Variants in SH3D19 observed in about 807,000 individuals in gnomAD.
SH3D19 encodes SH3 domain containing 19.
SH3D19 carries 58 observed loss-of-function variants against 112.1 expected under a neutral mutation model. That is an observed-to-expected ratio of 0.52 (90% confidence interval 0.42 to 0.64). The LOEUF (loss-of-function observed/expected upper bound fraction) is 0.64, where lower values mean the gene tolerates loss of function less well. SH3D19 is among the 30% of genes least tolerant of loss of function. SH3D19 has a pLI of 0.00. For missense variants in SH3D19, 1,090 were observed against 1,263.4 expected, an observed-to-expected ratio of 0.86 and a Z score of 2.08; for synonymous variants, 391 against 448.5, an observed-to-expected ratio of 0.87 and a Z score of 1.62.
At chr4:151,206,194 G>C (rs1468044473) in intron 2 of SH3D19, among the ~76,000 whole-genome samples, 1 of 152,102 alleles carries the variant, frequency 6.6e-6, no homozygotes, top group Non-Finnish European at 1.5e-5. Flanking sequence ...TATCACTCCT[G>C]GGATTTATTC....
intron 1 of SH3D19, among the ~76,000 whole-genome samples, chr4:151,286,929 G>A (rs907708030): frequency 2.6e-5 from 4 of 151,102 alleles, no homozygotes; most frequent in Non-Finnish European, 3.0e-5. Flanking sequence ...ACAGTGAGCC[G>A]AGATCGCGCC....
At chr4:151,258,511 G>A (rs1221264777) in intron 1 of SH3D19, among the ~76,000 whole-genome samples, 3 of 152,212 alleles carry the variant, frequency 2.0e-5, no homozygotes, top group Non-Finnish European at 2.9e-5. Context: ...TGTGAACTTA[G>A]ACTTGTTCAA....
intron 1 of SH3D19, among the ~76,000 whole-genome samples, chr4:151,230,256 C>T (rs899864754): frequency 1.3e-5 from 2 of 152,228 alleles, no homozygotes; most frequent in South Asian, 4.1e-4. Context: ...GCAGATCCTA[C>T]TGATGTGGAA....
At chr4:151,299,919 C>T (rs566601069) in intron 1 of SH3D19, among the ~76,000 whole-genome samples, 14 of 151,996 alleles carry the variant, frequency 9.2e-5, no homozygotes, top group African/African-American at 2.7e-4. Context: ...AAACCAATGT[C>T]GGCCGGGTGT....
chr4:151,300,762 T>TA (rs902211177), intron 1 of SH3D19: 2 of 152,176 alleles, frequency 1.3e-5, no homozygotes, highest in Non-Finnish European at 2.9e-5. Flanking sequence ...GAGAATGGAT[T>TA]AGAGAAACAA....
chr4:151,143,267 T>C (rs1283312899), intron 12 of SH3D19, among the ~76,000 whole-genome samples: 1 of 152,000 alleles, frequency 6.6e-6, no homozygotes, highest in African/African-American at 2.4e-5. Flanking sequence ...TTTTAGCTTC[T>C]ATTTTTCACA....
chr4:151,172,909 C>A (rs1759325911), intron 7 of SH3D19, among the ~76,000 whole-genome samples: 1 of 152,096 alleles, frequency 6.6e-6, no homozygotes, highest in African/African-American at 2.4e-5. Context: ...CAGTATAACC[C>A]CATAGTCCAG....
At chr4:151,171,657 C>A (rs1759093101) in intron 7 of SH3D19, among the ~76,000 whole-genome samples, 1 of 152,170 alleles carries the variant, frequency 6.6e-6, no homozygotes, top group South Asian at 2.1e-4. Context: ...CCGCCCATTA[C>A]CTGTCTCTAA....
In SH3D19 at chr4:151,318,169, C is replaced by T. The variant is rs555049668; in HGVS notation, c.112+7072G>A. Among the ~76,000 whole-genome samples the T allele has an allele frequency of 9.3e-5, 14 of 150,206 alleles. No homozygotes were observed. The South Asian group carries it at 3.0e-3, about 32-fold the overall frequency. On this transcript the variant is annotated intron_variant, in intron 1 of 19. Coordinates refer to ENST00000604030, the MANE Select transcript of SH3D19 (RefSeq NM_001378122.1). ...AAAAAAAATTAGCCGGGCATGGTGG[C>T]ACGTGCCTGTAGTCCTAGCTCCTTG...
chr4:151,211,232 T>G (rs1225243291), intron 2 of SH3D19, among the ~76,000 whole-genome samples: 1 of 150,458 alleles, frequency 6.6e-6, no homozygotes, highest in Non-Finnish European at 1.5e-5. Context: ...ATTGTGCCAT[T>G]GCACTCCAGC....
chr4:151,278,656 G>C (rs1416388472), intron 1 of SH3D19, among the ~76,000 whole-genome samples: 1 of 151,318 alleles, frequency 6.6e-6, no homozygotes, highest in Non-Finnish European at 1.5e-5. Flanking sequence ...TTTCAGACAG[G>C]GTCTCACTCT....
intron 2 of SH3D19, among the ~76,000 whole-genome samples, chr4:151,219,270 G>T (rs1351878623): frequency 6.6e-6 from 1 of 152,126 alleles, no homozygotes; most frequent in African/African-American, 2.4e-5. Context: ...ACTTCAGCAA[G>T]AATCCTATTA....
intron 2 of SH3D19, among the ~76,000 whole-genome samples, chr4:151,209,281 A>T (rs866189907): frequency 6.3e-5 from 9 of 143,280 alleles, no homozygotes; most frequent in East Asian, 2.1e-4. Flanking sequence ...TCGAAAAAGT[A>T]TTTTTTTTTT....
At chr4:151,212,193 A>T (rs769833512) in intron 2 of SH3D19, among the ~76,000 whole-genome samples, 42 of 152,258 alleles carry the variant, frequency 2.8e-4, no homozygotes, top group African/African-American at 9.4e-4. Flanking sequence ...TCATTCTGTC[A>T]TCTAGGCCAG....
At chr4:151,282,026 C>T (rs1774283966) in intron 1 of SH3D19, 1 of 955,416 alleles carries the variant, frequency 1.0e-6, no homozygotes, top group East Asian at 2.4e-5. Context: ...AAGTTGGAAG[C>T]ACCATGGTTA....
chr4:151,167,895 G>C (rs1320888748), intron 7 of SH3D19, among the ~76,000 whole-genome samples: 3 of 151,970 alleles, frequency 2.0e-5, no homozygotes, highest in African/African-American at 7.2e-5. Context: ...GCCCCGTCTG[G>C]GAAGTGAGGC....
At chr4:151,306,513 G>A (rs1490463886) in intron 1 of SH3D19, among the ~76,000 whole-genome samples, 5 of 152,086 alleles carry the variant, frequency 3.3e-5, no homozygotes, top group African/African-American at 1.2e-4. Context: ...GTCTACTACA[G>A]GAATAAGTAA....
At chr4:151,271,893 T>C (rs1773253124) in intron 1 of SH3D19, among the ~76,000 whole-genome samples, 1 of 152,216 alleles carries the variant, frequency 6.6e-6, no homozygotes, top group African/African-American at 2.4e-5. Context: ...ATTATATTTA[T>C]TGTGTATGGC....
chr4:151,184,174 G>C (rs562629989), intron 3 of SH3D19, among the ~76,000 whole-genome samples: 21 of 152,122 alleles, frequency 1.4e-4, no homozygotes, highest in African/African-American at 4.8e-4. Flanking sequence ...GGACCCCAAG[G>C]CTTGACTGGA....
Sources: allele counts gnomAD v4.1 joint callset (sites outside exome capture counted in the v4.1 genomes callset), GRCh38; gene constraint gnomAD v4.1.1; transcripts MANE v1.5; gene names NCBI Gene and HGNC (gene_info 2026-07-23, HGNC 2026-07-21).